Variants in BCAT2 observed in about 807,000 individuals in gnomAD.
The protein encoded by BCAT2 is branched chain amino acid transaminase 2.
BCAT2 carries 44 observed loss-of-function variants against 52.9 expected under a neutral mutation model. The observed-to-expected ratio is 0.83, with a 90% CI of 0.65 to 1.07. The LOEUF (loss-of-function observed/expected upper bound fraction) is 1.07, where lower values mean the gene tolerates loss of function less well. Ranked by LOEUF, BCAT2 falls within the 50% of genes least tolerant of loss-of-function variation. The pLI is 0.00. For synonymous variants in BCAT2, 215 were observed against 217.1 expected (o/e 0.99, Z 0.08); for missense variants, 478 against 521.8 (o/e 0.92, Z 0.82).
intron 6 of BCAT2, among the ~76,000 whole-genome samples, chr19:48,797,791 A>G (rs527397826): frequency 7.3e-6 from 1 of 136,652 alleles, no homozygotes; most frequent in South Asian, 2.3e-4. Flanking sequence ...GTCATTCAAA[A>G]CCATTTCTTT....
rs1039105854 is a variant in BCAT2, at chr19:48,799,372, T to A, written c.695+303A>T. 3.2e-6 allele frequency: 1 copy of A among 310,474 alleles called. No individual in the cohort carries two copies. The highest frequency in any genetic ancestry group is 5.9e-6 in the Non-Finnish European group (1 of 170,554). The allele number at this position is 310,474 out of a possible 1,614,324, so 19.2% of individuals were successfully genotyped here. A position where few individuals can be genotyped will look rare whatever the true frequency, so the allele number is the denominator to read the frequency against. On this transcript the variant is annotated intron_variant, in intron 6 of 10. Transcript: ENST00000316273. The surrounding 1 kb of genome is among the most constrained non-coding windows in gnomAD (Gnocchi z 5.5). Reference sequence around the variant, plus strand: ...GGAGGCTTCTGGGGCGAGAAGCCAATGAGCTGAGTGTAAGCTTCACTCCTG... The same window carrying A: ...GGAGGCTTCTGGGGCGAGAAGCCAAAGAGCTGAGTGTAAGCTTCACTCCTG...
chr19:48,797,559 T>TTTTC, intron 6 of BCAT2: 1 of 423,290 alleles, frequency 2.4e-6, no homozygotes. Context: ...TTTTCTTTTC[T>TTTTC]TTTTTTTTTA....
intron 3 of BCAT2, among the ~76,000 whole-genome samples, chr19:48,804,312 G>A (rs1012584071): frequency 6.6e-5 from 10 of 152,072 alleles, no homozygotes; most frequent in African/African-American, 2.4e-4. Context: ...GGGAGGCTGA[G>A]GTGGGCAGAT....
rs139406598 is a variant in BCAT2, at chr19:48,800,256, C to T, written c.342G>A (p.Gln114=). 59 of 1,613,764 alleles carry T rather than the reference C, an allele frequency of 3.7e-5. 1 individual carries two copies. The highest frequency in any genetic ancestry group is 3.3e-4 in the Middle Eastern group (2 of 6,084). Residue 114 remains glutamine, a synonymous_variant, in exon 4 of 11, where the codon CAG becomes CAA. Coordinates refer to ENST00000316273, the MANE Select transcript of BCAT2 (RefSeq NM_001190.4). The part of the protein sequence containing the change: ...GMKAFKGKDQ[Q]VRLFRPWLNM... ...TGAGCCAGGGGCGGAAGAGGCGCAC[C>T]TGCTGGTCTTTGCCTTTGAACGCCT...
chr19:48,800,320 A>G (rs1201324815), intron 3 of BCAT2, 23 bp from the exon 4 acceptor site: 1 of 1,605,992 alleles, frequency 6.2e-7, no homozygotes, highest in South Asian at 1.1e-5. Context: ...GCGGGTGGGG[A>G]GGCTCAGAGA....
In BCAT2 at chr19:48,799,892, T is replaced by A; in HGVS notation, c.532-54A>T. 1.3e-6 allele frequency: 2 copies of A among 1,588,446 alleles called. No homozygotes were observed. Among genetic ancestry groups the A allele is most frequent in the South Asian group, 2.3e-5 (2 of 88,210 alleles). On this transcript the variant is annotated intron_variant, in intron 5 of 10. Coordinates refer to ENST00000316273, the MANE Select transcript of BCAT2 (RefSeq NM_001190.4). This position sits in a 1 kb window ranked among gnomAD's most constrained non-coding sequence, Gnocchi z 5.5. ...AGTCCAGGCCCCCAGTCCCTTCCCG[T>A]CCCCAGGCCCAGGCCTCCAGGACCC...
Position 48,811,022 on chromosome 19 carries a change from G to GT in BCAT2, c.-16dup, listed in dbSNP as rs754980108. The GT allele has an allele frequency of 2.0e-5, 32 of 1,598,564 alleles. No homozygotes were observed. The African/African-American group carries it at 2.5e-4, about 12-fold the overall frequency. On this transcript the variant is annotated 5_prime_UTR_variant, in exon 1 of 11. Coordinates refer to ENST00000316273, the MANE Select transcript of BCAT2 (RefSeq NM_001190.4). ...GCTGCGGCCATGATCCGTGCGGCGC[G>GT]TAACTGTGCCCGCCCGGGGCGCGGC... is the stretch of plus-strand genomic sequence containing the variant.
At chr19:48,808,833 G>A (rs2034853640) in intron 1 of BCAT2, among the ~76,000 whole-genome samples, 1 of 151,834 alleles carries the variant, frequency 6.6e-6, no homozygotes. Flanking sequence ...CAGCACTTTA[G>A]GAGACAGAGG....
Position 48,799,997 on chromosome 19 carries a change from A to G in BCAT2, c.515T>C (p.Val172Ala), listed in dbSNP as rs1171459463. Residue 172 changes from valine to alanine, a missense_variant, in exon 5 of 11, where the codon GTG becomes GCG. Transcript: ENST00000316273. The surrounding 1 kb of genome is among the most constrained non-coding windows in gnomAD (Gnocchi z 5.5). ...TGGGCCCACCTCGTTCCCAATGAGC[A>G]CAGGCCGCACATAGAGGCTGGTGCC... ...AAGTSLYVRPVLIGNEPSLGV... is the reference protein window; with the variant it reads ...AAGTSLYVRPALIGNEPSLGV... 1.9e-6 allele frequency: 3 copies of G among 1,613,786 alleles called. No individual in the cohort carries two copies. Among genetic ancestry groups the G allele is most frequent in the Non-Finnish European group, 2.5e-6 (3 of 1,179,846 alleles).
intron 10 of BCAT2, chr19:48,795,755 G>A (rs1246031590): frequency 4.0e-6 from 2 of 501,210 alleles, no homozygotes; most frequent in African/African-American, 3.9e-5. Context: ...AGGATGTGTA[G>A]TTCTAGGTCC....
At chr19:48,800,712 G>C (rs1483542226) in intron 3 of BCAT2, among the ~76,000 whole-genome samples, 3 of 152,104 alleles carry the variant, frequency 2.0e-5, no homozygotes, top group South Asian at 4.1e-4. Flanking sequence ...TTTGGAAGGT[G>C]GTGGGAGGAT....
Position 48,799,957 on chromosome 19 carries a change from T to C in BCAT2, c.531+24A>G. On this transcript the variant is annotated intron_variant, in intron 5 of 10. Transcript: ENST00000316273. The surrounding 1 kb of genome is among the most constrained non-coding windows in gnomAD (Gnocchi z 5.5). ...AGAATCCAACCCCCGCAGCCCAGCT[T>C]CCCAGCCCTGGAGTTGGGCCCACCT... 2 of 1,611,470 alleles carry C rather than the reference T, an allele frequency of 1.2e-6. 1 individual carries two copies.
intron 3 of BCAT2, among the ~76,000 whole-genome samples, chr19:48,806,277 A>C (rs1025645726): frequency 6.6e-6 from 1 of 150,628 alleles, no homozygotes; most frequent in Non-Finnish European, 1.5e-5. Flanking sequence ...CACAGATCAT[A>C]CTGAGTTATG....
chr19:48,797,371 C>A, intron 6 of BCAT2, 38 bp from the exon 7 acceptor site: 2 of 1,609,120 alleles, frequency 1.2e-6, no homozygotes, highest in Non-Finnish European at 1.7e-6. Flanking sequence ...GGCAAGGGAG[C>A]CCCATCCTTC....
rs1432261505 is a variant in BCAT2, at chr19:48,799,846, G to A, written c.532-8C>T. The A allele has an allele frequency of 1.3e-6, 2 of 1,562,632 alleles. No individual in the cohort carries two copies. The highest frequency in any genetic ancestry group is 1.4e-5 in the African/African-American group (1 of 73,684). On this transcript the variant is annotated splice_polypyrimidine_tract_variant and splice_region_variant and intron_variant, in intron 5 of 10. Transcript: ENST00000316273. The surrounding 1 kb of genome is among the most constrained non-coding windows in gnomAD (Gnocchi z 5.5). Reference sequence around the variant, plus strand: ...GCTGACACCCAGCGAGGGCTGCGACGGGCAAAGGGACAGCGTCAGGAGTCC... The same window carrying A: ...GCTGACACCCAGCGAGGGCTGCGACAGGCAAAGGGACAGCGTCAGGAGTCC...
At chr19:48,810,958 A>C (rs1599816273) in intron 1 of BCAT2, 26 bp downstream of exon 1, 1 of 1,603,896 alleles carries the variant, frequency 6.2e-7, no homozygotes. Context: ...TATTTCCCAG[A>C]CCCCGGCGCG....
In BCAT2 at chr19:48,806,128, G is replaced by A. The variant is rs531561166; in HGVS notation, c.300+389C>T. Among the ~76,000 whole-genome samples, 778 of 95,508 alleles carry A rather than the reference G, an allele frequency of 8.1e-3. 18 individuals are homozygous for A. The highest frequency in any genetic ancestry group is 0.032 in the African/African-American group (750 of 23,664). 62.7% of individuals were successfully genotyped at this position (95,508 alleles called of 152,430 possible). ...GCTGTCCCTCTCCCGCCAGCCCCCC[G>A]GCTGTCCCCTTTCCTACCATCACCC... On this transcript the variant is annotated intron_variant, in intron 3 of 10. Transcript: ENST00000316273.
intron 2 of BCAT2, 137 bp from the exon 3 acceptor site, chr19:48,806,854 T>C: frequency 7.2e-7 from 1 of 1,379,546 alleles, no homozygotes; most frequent in Non-Finnish European, 1.0e-6. Context: ...ACATGCAGTT[T>C]CATCCCTTGT....
intron 3 of BCAT2, among the ~76,000 whole-genome samples, chr19:48,803,006 G>A (rs538628559): frequency 6.6e-6 from 1 of 152,214 alleles, no homozygotes; most frequent in South Asian, 2.1e-4. Context: ...ACCAGCCTGG[G>A]CAACAAAGTG....
Sources: allele counts gnomAD v4.1 joint callset (sites outside exome capture counted in the v4.1 genomes callset), GRCh38; gene constraint gnomAD v4.1.1; non-coding constraint Gnocchi (gnomAD v3.1); transcripts MANE v1.5; gene names NCBI Gene and HGNC (gene_info 2026-07-23, HGNC 2026-07-21).